Variants in USP50 observed in about 807,000 individuals in gnomAD.
The protein encoded by USP50 is ubiquitin carboxyl-terminal hydrolase 50.
In USP50, 37 loss-of-function variants were observed where a neutral mutation model predicts 39.2. The ratio of observed to expected loss-of-function variants is 0.94; its 90% confidence interval spans 0.73 to 1.24. The LOEUF (loss-of-function observed/expected upper bound fraction) is 1.24, where lower values mean the gene tolerates loss of function less well. USP50 is among the 50% of genes most tolerant of loss of function. The pLI, the probability that USP50 is intolerant of heterozygous loss-of-function variation, is 0.00. For missense variants in USP50, 374 were observed against 398.2 expected, an observed-to-expected ratio of 0.94 and a Z score of 0.52; for synonymous variants, 139 against 144.5, an observed-to-expected ratio of 0.96 and a Z score of 0.27.
chr15:50,521,954 A>C (rs1049165510), intron 6 of USP50, among the ~76,000 whole-genome samples: 15 of 152,164 alleles, frequency 9.9e-5, no homozygotes, highest in Admixed American at 1.3e-4. Flanking sequence ...ATAGAACGAG[A>C]CTCCATCTCA....
At chr15:50,522,803 G>A (rs1244153022) in intron 6 of USP50, among the ~76,000 whole-genome samples, 3 of 152,126 alleles carry the variant, frequency 2.0e-5, no homozygotes, top group Admixed American at 6.5e-5. Flanking sequence ...GTGCCACCAC[G>A]CCAGGCTAAT....
At chr15:50,542,330 C>T (rs568480265) in intron 3 of USP50, among the ~76,000 whole-genome samples, 2 of 152,236 alleles carry the variant, frequency 1.3e-5, no homozygotes, top group South Asian at 4.2e-4. Flanking sequence ...TAACTTAATT[C>T]CCCTAATTCC....
chr15:50,498,845 G>GTATT, downstream of USP50: 1 of 1,551,658 alleles, frequency 6.4e-7, no homozygotes, highest in East Asian at 2.3e-5. Flanking sequence ...AACTATTGGC[G>GTATT]TATTTTAAAT....
chr15:50,508,287 C>T (rs1343831699), intron 6 of USP50: 2 of 151,962 alleles, frequency 1.3e-5, no homozygotes, highest in Non-Finnish European at 2.9e-5. Context: ...ATGGGATGCA[C>T]TGATGTCTGA....
At chr15:50,502,478 C>T (rs1046443079) in intron 6 of USP50, 1 of 152,378 alleles carries the variant, frequency 6.6e-6, no homozygotes, top group African/African-American at 2.4e-5. Context: ...AAGCTCTTCT[C>T]CTGCCTCAGC....
intron 6 of USP50, among the ~76,000 whole-genome samples, chr15:50,517,498 A>C (rs2052813168): frequency 6.6e-6 from 1 of 152,080 alleles, no homozygotes; most frequent in Non-Finnish European, 1.5e-5. Flanking sequence ...AGAGGATTGA[A>C]ATCATATTAG....
chr15:50,534,876 C>T (rs887722521), intron 5 of USP50, among the ~76,000 whole-genome samples: 2 of 152,158 alleles, frequency 1.3e-5, no homozygotes, highest in African/African-American at 2.4e-5. Context: ...TACCGTGGCT[C>T]ATGCCTGTAA....
chr15:50,495,908 G>T, downstream of USP50: 2 of 1,613,816 alleles, frequency 1.2e-6, no homozygotes, highest in Non-Finnish European at 1.7e-6. Flanking sequence ...CTTTAAAGCT[G>T]CAGAACATGC....
At chr15:50,539,084 T>A (rs1269220017) in intron 4 of USP50, among the ~76,000 whole-genome samples, 2 of 151,772 alleles carry the variant, frequency 1.3e-5, no homozygotes, top group Non-Finnish European at 2.9e-5. Context: ...ACCTCACTTA[T>A]AATCTAGAAA....
intron 6 of USP50, chr15:50,505,510 AATAT>A (rs1368445000): frequency 6.6e-6 from 1 of 152,228 alleles, no homozygotes; most frequent in Non-Finnish European, 1.5e-5. Context: ...AGCCTACTGA[AATAT>A]ATGCCACATG....
At chr15:50,513,242 T>C (rs192868069) in intron 6 of USP50, 2 of 152,312 alleles carry the variant, frequency 1.3e-5, no homozygotes, top group Non-Finnish European at 1.5e-5. Flanking sequence ...TGCACATATA[T>C]ATGCAGGAAT....
chr15:50,495,119 C>T (rs368504473), intron 1 of USP50, among the ~76,000 whole-genome samples: 13 of 151,610 alleles, frequency 8.6e-5, no homozygotes, highest in East Asian at 5.8e-4. Flanking sequence ...CCTCCATTTA[C>T]ATACTACAAC....
At chr15:50,495,017 T>TA (rs34381291) in intron 1 of USP50, among the ~76,000 whole-genome samples, 2,822 of 113,474 alleles carry the variant, frequency 0.025, 33 homozygotes, top group Admixed American at 0.034. Context: ...AGACTCTTTC[T>TA]AAAAAAAAAA....
At chr15:50,497,027 GCTCT>G, downstream of USP50, 1 of 1,537,590 alleles carries the variant, frequency 6.5e-7, no homozygotes, top group Non-Finnish European at 8.7e-7. Flanking sequence ...CTAAATAGGT[GCTCT>G]CTGACATTAT....
chr15:50,541,156 G>A lies in USP50; in HGVS notation c.553C>T (p.Leu185Phe), dbSNP rs758813539. The A allele has an allele frequency of 1.9e-6, 3 of 1,613,880 alleles. No homozygotes were observed. The highest frequency in any genetic ancestry group is 2.5e-6 in the Non-Finnish European group (3 of 1,179,850). The change falls in exon 4 of 7, where the codon CTC (leucine) becomes TTC (phenylalanine). Residue 185 changes from leucine (L) to phenylalanine (F), a missense_variant. Physicochemically the swap from Leu to Phe is conservative, Grantham distance 22. Coordinates refer to ENST00000532404, the MANE Select transcript of USP50 (RefSeq NM_203494.5). Reference sequence around the variant, plus strand: ...TTTAAACATACGATGCTATAATTGAGCTGCTCTTCAAACAGCTGGGTGATG... The same window carrying A: ...TTTAAACATACGATGCTATAATTGAACTGCTCTTCAAACAGCTGGGTGATG... Reference protein sequence around the residue: ...SIITQLFEEQLNYSIVCLKCE... With the variant: ...SIITQLFEEQFNYSIVCLKCE...
At chr15:50,504,561 T>C (rs1212886959) in intron 6 of USP50, 2 of 152,114 alleles carry the variant, frequency 1.3e-5, no homozygotes, top group East Asian at 3.8e-4. Context: ...AGACACCATT[T>C]TATATAGGGC....
chr15:50,493,582 C>T (rs1458658570), downstream of USP50: 17 of 474,424 alleles, frequency 3.6e-5, no homozygotes, highest in East Asian at 7.2e-4. Context: ...GGCAAAACTC[C>T]GTCTCTACAA....
downstream of USP50, chr15:50,499,060 G>A (rs745868641): frequency 2.5e-6 from 4 of 1,610,814 alleles, no homozygotes; most frequent in African/African-American, 1.3e-5. Flanking sequence ...ACTTCATTGG[G>A]ACCACGAGTA....
chr15:50,540,970 A>G, intron 4 of USP50, 79 bp downstream of exon 4: 1 of 1,107,942 alleles, frequency 9.0e-7, no homozygotes, highest in Middle Eastern at 2.0e-4. Flanking sequence ...CATACTAAAC[A>G]AATGTAGGAA....
Sources: allele counts gnomAD v4.1 joint callset (sites outside exome capture counted in the v4.1 genomes callset), GRCh38; gene constraint gnomAD v4.1.1; transcripts MANE v1.5; gene names NCBI Gene and HGNC (gene_info 2026-07-23, HGNC 2026-07-21).